Variants in COL21A1 observed in about 807,000 individuals in gnomAD.
The protein encoded by COL21A1 is collagen type XXI alpha 1 chain.
Under a neutral mutation model 137.9 loss-of-function variants are expected in COL21A1, and 149 were observed. The observed-to-expected ratio is 1.08, with a 90% CI of 0.95 to 1.24. The LOEUF (loss-of-function observed/expected upper bound fraction) is 1.24, where lower values mean the gene tolerates loss of function less well. Among genes scored for constraint, COL21A1 ranks in the 50% most tolerant of loss-of-function variants. The pLI, the probability that COL21A1 is intolerant of heterozygous loss-of-function variation, is 0.00. For missense variants in COL21A1, 1,167 were observed against 1,158.4 expected (o/e 1.01, Z -0.11); for synonymous variants, 456 against 391.5 (o/e 1.16, Z -1.95).
At chr6:56,169,574 A>T (rs1776864591) in intron 5 of COL21A1, among the ~76,000 whole-genome samples, 1 of 151,880 alleles carries the variant, frequency 6.6e-6, no homozygotes, top group African/African-American at 2.4e-5. Flanking sequence ...GTCACTTTGC[A>T]TTCTCTAAAT....
At position 56,085,486 on chromosome 6, in the gene COL21A1, T is replaced by A. The variant is rs556524292; in HGVS notation, c.1813-7913A>T. ...TCATTTATGACAACATCAAAGCTTA[T>A]TTAACCAGACAAATACATATTAAAG... On this transcript the variant is annotated intron_variant, in intron 17 of 29. Coordinates refer to ENST00000244728, the MANE Select transcript of COL21A1 (RefSeq NM_030820.4). Among the ~76,000 whole-genome samples, 5 of 152,150 alleles carry A rather than the reference T, an allele frequency of 3.3e-5. No individual in the cohort carries two copies. The East Asian group carries it at 9.6e-4, about 29-fold the overall frequency.
At chr6:56,231,394 TC>T (rs1231144305) in intron 1 of COL21A1, among the ~76,000 whole-genome samples, 1 of 151,766 alleles carries the variant, frequency 6.6e-6, no homozygotes, top group Non-Finnish European at 1.5e-5. Flanking sequence ...TTCAGTTCTT[TC>T]CTGGCGTTAT....
At chr6:56,315,568 G>T (rs974571522) in intron 1 of COL21A1, among the ~76,000 whole-genome samples, 1 of 152,012 alleles carries the variant, frequency 6.6e-6, no homozygotes, top group Non-Finnish European at 1.5e-5. Flanking sequence ...CCAAACTACA[G>T]TTTCTATTCT....
chr6:56,135,956 T>C (rs901005094), intron 12 of COL21A1, among the ~76,000 whole-genome samples: 2 of 152,184 alleles, frequency 1.3e-5, no homozygotes, highest in Admixed American at 6.5e-5. Flanking sequence ...CCTTAACTCA[T>C]TCCTATTTTT....
At chr6:56,094,427 A>T (rs931654775) in intron 17 of COL21A1, among the ~76,000 whole-genome samples, 1 of 149,666 alleles carries the variant, frequency 6.7e-6, no homozygotes, top group African/African-American at 2.5e-5. Flanking sequence ...GGCTTTCTCC[A>T]CATGACTTCC....
At chr6:56,360,995 G>C (rs958251145) in intron 1 of COL21A1, among the ~76,000 whole-genome samples, 1 of 152,156 alleles carries the variant, frequency 6.6e-6, no homozygotes, top group Non-Finnish European at 1.5e-5. Context: ...CAGCTACTTA[G>C]GAGGCTGAGA....
chr6:56,256,482 T>A (rs902125240), intron 1 of COL21A1, among the ~76,000 whole-genome samples: 2 of 152,108 alleles, frequency 1.3e-5, no homozygotes, highest in Non-Finnish European at 2.9e-5. Context: ...GAAAAAAAAA[T>A]TAATTCGCAT....
At chr6:56,151,606 T>C (rs1272853401) in intron 10 of COL21A1, among the ~76,000 whole-genome samples, 1 of 152,192 alleles carries the variant, frequency 6.6e-6, no homozygotes, top group Non-Finnish European at 1.5e-5. Flanking sequence ...TTCTCCAGAG[T>C]GGAATAATTT....
chr6:56,060,527 T>C, intron 27 of COL21A1: 1 of 489,244 alleles, frequency 2.0e-6, no homozygotes, highest in Non-Finnish European at 3.5e-6. Flanking sequence ...ATTCAAATAA[T>C]GGCAAAATAA....
intron 1 of COL21A1, among the ~76,000 whole-genome samples, chr6:56,358,210 G>A (rs138742541): frequency 1.3e-4 from 20 of 152,248 alleles, no homozygotes; most frequent in African/African-American, 4.6e-4. Context: ...GCCAAGTGCA[G>A]TGGCTCACAC....
intron 16 of COL21A1, among the ~76,000 whole-genome samples, chr6:56,113,401 G>C (rs896824944): frequency 2.6e-5 from 4 of 152,152 alleles, no homozygotes; most frequent in African/African-American, 9.7e-5. Context: ...GAGTCAAGAG[G>C]CCCCCTTTCC....
At chr6:56,119,686 C>T (rs1772277493) in intron 16 of COL21A1, among the ~76,000 whole-genome samples, 2 of 152,120 alleles carry the variant, frequency 1.3e-5, no homozygotes, top group South Asian at 4.1e-4. Flanking sequence ...ACCAAAACAA[C>T]ATGGTACTGG....
intron 1 of COL21A1, among the ~76,000 whole-genome samples, chr6:56,320,350 C>T (rs79320601): frequency 5.9e-5 from 9 of 152,032 alleles, no homozygotes; most frequent in South Asian, 2.1e-4. Context: ...CCTCAGAGCC[C>T]TCTCTGCTTC....
At chr6:56,068,597 T>C (rs1487035916) in intron 22 of COL21A1, among the ~76,000 whole-genome samples, 6 of 151,624 alleles carry the variant, frequency 4.0e-5, no homozygotes, top group Non-Finnish European at 7.4e-5. Context: ...CTATGTAACA[T>C]AATTGTTTCA....
intron 1 of COL21A1, among the ~76,000 whole-genome samples, chr6:56,316,543 G>A (rs952858225): frequency 3.9e-5 from 5 of 129,072 alleles, no homozygotes; most frequent in East Asian, 2.5e-4. Flanking sequence ...GTGCAGTTGC[G>A]TGATCTTGGC....
intron 1 of COL21A1, among the ~76,000 whole-genome samples, chr6:56,293,307 A>G (rs76267568): frequency 0.017 from 2,579 of 152,256 alleles, 137 homozygotes; most frequent in Admixed American, 0.094. Context: ...ATTGTCTTGT[A>G]TATAGGATTC....
At chr6:56,343,758 T>C (rs1765521820) in intron 1 of COL21A1, among the ~76,000 whole-genome samples, 4 of 152,216 alleles carry the variant, frequency 2.6e-5, no homozygotes, top group African/African-American at 9.6e-5. Context: ...CTGAGCAACA[T>C]AGCAAGATCC....
intron 16 of COL21A1, among the ~76,000 whole-genome samples, chr6:56,123,552 T>C (rs2152210155): frequency 6.6e-6 from 1 of 152,262 alleles, no homozygotes; most frequent in South Asian, 2.1e-4. Flanking sequence ...TCTCCTTAGG[T>C]ATCCAAATCA....
intron 1 of COL21A1, among the ~76,000 whole-genome samples, chr6:56,219,054 G>A (rs1224020256): frequency 2.0e-5 from 3 of 151,872 alleles, no homozygotes; most frequent in Admixed American, 6.6e-5. Flanking sequence ...TCATCGTTTT[G>A]AAGTGTCATC....
Sources: allele counts gnomAD v4.1 joint callset (sites outside exome capture counted in the v4.1 genomes callset), GRCh38; gene constraint gnomAD v4.1.1; transcripts MANE v1.5; gene names NCBI Gene and HGNC (gene_info 2026-07-23, HGNC 2026-07-21).